Variants in CEP128 observed in about 807,000 individuals in gnomAD.
CEP128 encodes centrosomal protein 128kDa.
In CEP128, 132 loss-of-function variants were observed where a neutral mutation model predicts 156.7. The observed-to-expected ratio is 0.84, with a 90% confidence interval of 0.73 to 0.97. The LOEUF is 0.97. Among genes scored for constraint, CEP128 ranks in the 50% least tolerant of loss-of-function variants. The pLI is 0.00. For synonymous variants in CEP128, 469 were observed against 448.9 expected (o/e 1.04, Z -0.57); for missense variants, 1,252 against 1,281.9 (o/e 0.98, Z 0.36).
At chr14:80,624,653 T>C (rs1893632302) in intron 19 of CEP128, among the ~76,000 whole-genome samples, 1 of 152,202 alleles carries the variant, frequency 6.6e-6, no homozygotes, top group Admixed American at 6.5e-5. Context: ...GTGGTTTTGA[T>C]TTGCATTTCT....
At position 80,806,703 on chromosome 14, in the gene CEP128, C is replaced by T. The variant is rs140076769; in HGVS notation, c.1210-13593G>A. Among the ~76,000 whole-genome samples the T allele has an allele frequency of 4.6e-4, 70 of 152,130 alleles. No individual in the cohort carries two copies. In the East Asian group the frequency reaches 0.011, roughly 25 times the overall value. On this transcript the variant is annotated intron_variant, in intron 13 of 24. Transcript: ENST00000555265. ...TTGGTTATACATTTGCTATGAAATG[C>T]GATAGGCCAAAGCAAGTATCAATAA...
intron 13 of CEP128, among the ~76,000 whole-genome samples, chr14:80,825,211 C>G (rs1037622974): frequency 6.6e-6 from 1 of 152,214 alleles, no homozygotes; most frequent in Non-Finnish European, 1.5e-5. Context: ...GGTGGGGACA[C>G]AGCCAAACCA....
intron 9 of CEP128, among the ~76,000 whole-genome samples, chr14:80,859,824 G>A (rs952252178): frequency 2.6e-5 from 4 of 152,218 alleles, no homozygotes; most frequent in East Asian, 1.9e-4. Context: ...CTAAGGACCC[G>A]TGAGATAACA....
intron 20 of CEP128, among the ~76,000 whole-genome samples, chr14:80,570,136 G>A (rs184991715): frequency 5.5e-4 from 83 of 152,204 alleles, no homozygotes; most frequent in Middle Eastern, 3.4e-3. Flanking sequence ...TTATTTATTT[G>A]AGATGAAGTC....
At chr14:80,876,159 A>T (rs1888271278) in intron 8 of CEP128, among the ~76,000 whole-genome samples, 1 of 152,162 alleles carries the variant, frequency 6.6e-6, no homozygotes, top group South Asian at 2.1e-4. Context: ...AGGTAATGGT[A>T]CTATAAGCAG....
chr14:80,629,075 G>T (rs74066017), intron 19 of CEP128, among the ~76,000 whole-genome samples: 1 of 149,478 alleles, frequency 6.7e-6, no homozygotes, highest in Admixed American at 6.7e-5. Flanking sequence ...AAACAAACGG[G>T]TTTAACTCAC....
chr14:80,603,523 T>C (rs1211422467), intron 19 of CEP128, among the ~76,000 whole-genome samples: 1 of 152,172 alleles, frequency 6.6e-6, no homozygotes, highest in Admixed American at 6.5e-5. Context: ...TTAGAAAACA[T>C]GGGAAGACCA....
chr14:80,636,462 T>C (rs79960125), intron 19 of CEP128, among the ~76,000 whole-genome samples: 3 of 152,252 alleles, frequency 2.0e-5, no homozygotes, highest in African/African-American at 7.2e-5. Context: ...TGCTTTTTTT[T>C]CTTCTACTAT....
chr14:80,688,477 T>A (rs1418603049), intron 19 of CEP128, among the ~76,000 whole-genome samples: 2 of 152,238 alleles, frequency 1.3e-5, no homozygotes, highest in East Asian at 3.8e-4. Flanking sequence ...CATTCTTTAT[T>A]CTGACTTATT....
At chr14:80,631,298 T>G (rs1285844009) in intron 19 of CEP128, among the ~76,000 whole-genome samples, 1 of 151,994 alleles carries the variant, frequency 6.6e-6, no homozygotes, top group East Asian at 1.9e-4. Context: ...CATCTAACTT[T>G]GAAAACTATT....
chr14:80,921,940 G>A (rs1884888862), intron 2 of CEP128, among the ~76,000 whole-genome samples: 1 of 150,676 alleles, frequency 6.6e-6, no homozygotes, highest in Admixed American at 6.6e-5. Context: ...TCCAGCTGGG[G>A]CGACAACCGA....
chr14:80,531,016 G>T lies in CEP128; in HGVS notation c.2881-130C>A, dbSNP rs1303938382. ...ACTGTAGATTTAGACAGTCAAATAA[G>T]AACATATATAATAGTATTTTCAAGA... On this transcript the variant is annotated intron_variant, in intron 21 of 24. Coordinates refer to ENST00000555265, the MANE Select transcript of CEP128 (RefSeq NM_152446.5). 4 of 437,286 alleles carry T rather than the reference G, an allele frequency of 9.1e-6. No individual in the cohort carries two copies. The East Asian group carries it at 1.0e-4, about 11-fold the overall frequency. 27.1% of individuals were successfully genotyped at this position (437,286 alleles called of 1,614,324 possible).
chr14:80,482,777 G>C lies in CEP128; in HGVS notation c.*311-4370C>G, dbSNP rs186096950. 9.8e-5 allele frequency among the ~76,000 whole-genome samples: 15 copies of C among 152,350 alleles called. 1 individual carries two copies. The South Asian group carries it at 1.0e-3, about 11-fold the overall frequency. On this transcript the variant is annotated intron_variant and NMD_transcript_variant, in intron 14 of 14. Transcript: ENST00000554502. ...GTGAATTGCAAAGGCAATGTGGAGAGAGAGGAAATAGTAAAGGTAAAGAAA... is the reference window on the plus strand; with the variant it reads ...GTGAATTGCAAAGGCAATGTGGAGACAGAGGAAATAGTAAAGGTAAAGAAA...
downstream of CEP128, among the ~76,000 whole-genome samples, chr14:80,492,516 C>T (rs978817021): frequency 6.6e-6 from 1 of 152,072 alleles, no homozygotes; most frequent in African/African-American, 2.4e-5. Context: ...GAGGAGAGGA[C>T]TGGATACCAG....
At chr14:80,827,527 G>A (rs1885544302) in intron 13 of CEP128, among the ~76,000 whole-genome samples, 1 of 152,166 alleles carries the variant, frequency 6.6e-6, no homozygotes, top group African/African-American at 2.4e-5. Flanking sequence ...CAGAGCGAAA[G>A]CATAGAAGAT....
chr14:80,534,966 A>G (rs989874096), intron 21 of CEP128, among the ~76,000 whole-genome samples: 5 of 152,242 alleles, frequency 3.3e-5, no homozygotes, highest in African/African-American at 1.2e-4. Flanking sequence ...TAGAAAACAA[A>G]GAAAAGTTCA....
intron 21 of CEP128, among the ~76,000 whole-genome samples, chr14:80,547,843 A>C (rs1157650874): frequency 1.3e-5 from 2 of 150,598 alleles, no homozygotes; most frequent in African/African-American, 2.4e-5. Flanking sequence ...TTTTTGCCCA[A>C]GCTGGAGTGC....
At chr14:80,601,330 T>G (rs1892573010) in intron 19 of CEP128, among the ~76,000 whole-genome samples, 2 of 152,200 alleles carry the variant, frequency 1.3e-5, no homozygotes, top group Non-Finnish European at 2.9e-5. Flanking sequence ...TTCCTCATTT[T>G]GCAAACATCG....
chr14:80,492,969 AT>A (rs1257836129), downstream of CEP128, among the ~76,000 whole-genome samples: 2 of 151,954 alleles, frequency 1.3e-5, no homozygotes, highest in East Asian at 3.9e-4. Context: ...TCTTTTAAAA[AT>A]ATATATATAT....
Sources: allele counts gnomAD v4.1 joint callset (sites outside exome capture counted in the v4.1 genomes callset), GRCh38; gene constraint gnomAD v4.1.1; transcripts MANE v1.5; gene names NCBI Gene and HGNC (gene_info 2026-07-23, HGNC 2026-07-21).